The following PSTPIP2 variants were observed in gnomAD, a reference collection of about 807,000 sequenced individuals.
The protein encoded by PSTPIP2 is proline-serine-threonine phosphatase interacting protein 2.
PSTPIP2 carries 33 observed loss-of-function variants against 63.3 expected under a neutral mutation model. The observed-to-expected ratio is 0.52, with a 90% CI of 0.40 to 0.70. The LOEUF (loss-of-function observed/expected upper bound fraction) is 0.70. Ranked by LOEUF, PSTPIP2 falls within the 30% of genes least tolerant of loss-of-function variation. The probability of loss-of-function intolerance (pLI) is 0.00; values close to 1 mark genes in which losing one functional copy is unlikely to be tolerated. For missense variants in PSTPIP2, 312 were observed against 400.7 expected (o/e 0.78, Z 1.89); for synonymous variants, 125 against 132.7 (o/e 0.94, Z 0.40).
rs373596377 is a variant in PSTPIP2 at position 46,014,133 on chromosome 18, G to A, written c.247+1770C>T. ...TACTTCCCAGGTTCAAGTGATTCTC[G>A]TGCCTCAGCCTCTGGAGTAGCTGGG... On this transcript the variant is annotated intron_variant, in intron 4 of 14. Coordinates refer to ENST00000409746, the MANE Select transcript of PSTPIP2 (RefSeq NM_024430.4). Among the ~76,000 whole-genome samples the A allele has an allele frequency of 2.0e-4, 31 of 151,838 alleles. 1 individual carries two copies. The East Asian group carries it at 5.8e-3, about 29-fold the overall frequency.
chr18:46,018,787 C>G (rs2051880447), intron 3 of PSTPIP2, among the ~76,000 whole-genome samples: 1 of 152,190 alleles, frequency 6.6e-6, no homozygotes, highest in Non-Finnish European at 1.5e-5. Flanking sequence ...TAAGTGACCA[C>G]TGAAAGACAC....
intron 6 of PSTPIP2, among the ~76,000 whole-genome samples, chr18:45,999,904 T>C (rs748969840): frequency 3.1e-4 from 47 of 152,128 alleles, no homozygotes; most frequent in Non-Finnish European, 4.7e-4. Flanking sequence ...CTGAGAGGCT[T>C]AAGTGGGTGG....
chr18:46,039,443 C>G lies in PSTPIP2; in HGVS notation c.134+504G>C, dbSNP rs192638067. Among the ~76,000 whole-genome samples the G allele has an allele frequency of 3.8e-3, 581 of 152,222 alleles. 4 individuals are homozygous for G. Among genetic ancestry groups the G allele is most frequent in the African/African-American group, 0.013 (552 of 41,548 alleles). On this transcript the variant is annotated intron_variant, in intron 2 of 14. Transcript: ENST00000409746. ...CACGTGGGCCATCTGATTCCCACCT[C>G]AAGCTTGCTGTTCTCCCAGATATCC...
intron 4 of PSTPIP2, among the ~76,000 whole-genome samples, chr18:46,013,063 T>A (rs609331): frequency 6.6e-6 from 1 of 151,108 alleles, no homozygotes; most frequent in African/African-American, 2.4e-5. Flanking sequence ...TGTCTCATTT[T>A]AATTTTTAAG....
Position 46,001,467 on chromosome 18 carries a change from G to A in PSTPIP2, c.418-1933C>T, listed in dbSNP as rs189989379. Among the ~76,000 whole-genome samples the A allele has an allele frequency of 3.8e-3, 579 of 152,072 alleles. 4 individuals are homozygous for A. Among genetic ancestry groups the A allele is most frequent in the African/African-American group, 0.012 (488 of 41,498 alleles). Reference sequence around the variant, plus strand: ...GTTTGTTTTTTTTCTTTGCTGTTGAGTTGTTTGAGTTCCTTGTGTATTTTG... The same window carrying A: ...GTTTGTTTTTTTTCTTTGCTGTTGAATTGTTTGAGTTCCTTGTGTATTTTG... On this transcript the variant is annotated intron_variant, in intron 6 of 14. Coordinates refer to ENST00000409746, the MANE Select transcript of PSTPIP2 (RefSeq NM_024430.4).
chr18:45,991,857 T>A (rs1316470196), intron 12 of PSTPIP2, 45 bp downstream of exon 12: 14 of 1,495,774 alleles, frequency 9.4e-6, no homozygotes, highest in Non-Finnish European at 1.2e-5. Context: ...ATAACAATGT[T>A]TGTTAAAAGT....
rs894895235 is a variant in PSTPIP2, at chr18:46,005,389, G to A, written c.417+80C>T. 20 of 1,134,110 alleles carry A rather than the reference G, an allele frequency of 1.8e-5. No individual in the cohort carries two copies. The African/African-American group carries it at 2.5e-4, about 14-fold the overall frequency. The allele number at this position is 1,134,110 out of a possible 1,614,324, so 70.3% of individuals were successfully genotyped here. On this transcript the variant is annotated intron_variant, in intron 6 of 14. Coordinates refer to ENST00000409746, the MANE Select transcript of PSTPIP2 (RefSeq NM_024430.4). ...ATAACATTTTTGAAATGTTATTTGA[G>A]TAGGAATATGTTCATACACAGCACA...
chr18:46,025,956 T>C (rs1907564634), intron 2 of PSTPIP2, among the ~76,000 whole-genome samples: 1 of 152,176 alleles, frequency 6.6e-6, no homozygotes, highest in South Asian at 2.1e-4. Flanking sequence ...AGTTTCACCA[T>C]GTTGGCCAGG....
intron 1 of PSTPIP2, among the ~76,000 whole-genome samples, chr18:46,062,378 T>A (rs1457521834): frequency 6.6e-6 from 1 of 152,090 alleles, no homozygotes; most frequent in Non-Finnish European, 1.5e-5. Flanking sequence ...TGGTGGCTCA[T>A]GCCTGTAATC....
At chr18:46,046,293 C>A (rs983311539) in intron 1 of PSTPIP2, among the ~76,000 whole-genome samples, 1 of 152,210 alleles carries the variant, frequency 6.6e-6, no homozygotes, top group African/African-American at 2.4e-5. Flanking sequence ...GCAAACAGCA[C>A]CCGCAGTCTC....
At position 45,997,853 on chromosome 18, in the gene PSTPIP2, G is replaced by C. The variant is rs183799377; in HGVS notation, c.563-25C>G. 2.1e-3 allele frequency: 3,353 copies of C among 1,604,026 alleles called. 7 individuals are homozygous for C. Among genetic ancestry groups the C allele is most frequent in the Middle Eastern group, 0.018 (109 of 6,050 alleles). On this transcript the variant is annotated intron_variant, in intron 8 of 14. Transcript: ENST00000409746. ...TCTGCAACAGAAGGGAGAGACCTGGGTCAGAAACTAGACAGGAAGGTGGCT... is the reference window on the plus strand; with the variant it reads ...TCTGCAACAGAAGGGAGAGACCTGGCTCAGAAACTAGACAGGAAGGTGGCT...
intron 2 of PSTPIP2, chr18:46,028,855 T>A: frequency 6.3e-7 from 1 of 1,586,544 alleles, no homozygotes; most frequent in South Asian, 1.1e-5. Flanking sequence ...TGAAGATGCT[T>A]TGTTGCAAAG....
chr18:46,067,398 G>C (rs1208698672), intron 1 of PSTPIP2, among the ~76,000 whole-genome samples: 1 of 151,630 alleles, frequency 6.6e-6, no homozygotes, highest in Non-Finnish European at 1.5e-5. Context: ...AGCTACTCAG[G>C]AGGCTGAGGC....
At chr18:46,065,099 G>A (rs537473762) in intron 1 of PSTPIP2, among the ~76,000 whole-genome samples, 13 of 144,228 alleles carry the variant, frequency 9.0e-5, no homozygotes, top group African/African-American at 2.6e-4. Flanking sequence ...AGCCGAGGTC[G>A]TGCCATTGCA....
chr18:46,046,633 G>C (rs931773446), intron 1 of PSTPIP2, among the ~76,000 whole-genome samples: 11 of 152,316 alleles, frequency 7.2e-5, no homozygotes, highest in Non-Finnish European at 1.0e-4. Context: ...CCTGCCTAGA[G>C]GAGCTTATAA....
intron 2 of PSTPIP2, chr18:46,028,971 A>C: frequency 2.9e-6 from 3 of 1,038,368 alleles, no homozygotes; most frequent in Non-Finnish European, 4.6e-6. Flanking sequence ...CTCAGATCTC[A>C]TCTGTGCAGT....
At chr18:46,059,879 A>G (rs1462212786) in intron 1 of PSTPIP2, among the ~76,000 whole-genome samples, 2 of 151,940 alleles carry the variant, frequency 1.3e-5, no homozygotes, top group Non-Finnish European at 2.9e-5. Flanking sequence ...AATACAAAAA[A>G]AATTACCCGG....
intron 14 of PSTPIP2, among the ~76,000 whole-genome samples, chr18:45,986,282 G>A (rs1378013777): frequency 1.3e-5 from 2 of 152,060 alleles, no homozygotes; most frequent in Non-Finnish European, 2.9e-5. Context: ...CCAACTCATT[G>A]AACTGGCACA....
intron 6 of PSTPIP2, 127 bp downstream of exon 6, chr18:46,005,342 T>G: frequency 1.2e-6 from 1 of 800,366 alleles, no homozygotes; most frequent in South Asian, 2.0e-5. Flanking sequence ...TTGTTTTCCC[T>G]AAAACACTGC....
Sources: gnomAD v4.1 joint callset for allele counts (sites outside exome capture counted in the v4.1 genomes callset) on GRCh38, gnomAD v4.1.1 for gene constraint, MANE v1.5 for transcripts, NCBI Gene and HGNC (gene_info 2026-07-23, HGNC 2026-07-21) for gene names.